ZMIZ1: variants seen among roughly 807,000 people sequenced by gnomAD.
The protein encoded by ZMIZ1 is zinc finger MIZ-type containing 1.
ZMIZ1 carries 17 observed loss-of-function variants against 113.9 expected under a neutral mutation model. The observed-to-expected ratio is 0.15, with a 90% CI of 0.10 to 0.22. ZMIZ1 has a LOEUF of 0.22. Ranked by LOEUF, ZMIZ1 falls within the 10% of genes least tolerant of loss-of-function variation. The probability of loss-of-function intolerance (pLI) is 1.00; values close to 1 mark genes in which losing one functional copy is unlikely to be tolerated. For missense variants in ZMIZ1, 1,059 were observed against 1,477.8 expected (o/e 0.72, Z 4.65); for synonymous variants, 607 against 603.1 (o/e 1.01, Z -0.09).
At chr10:79,203,267 A>C (rs1848176280) in intron 5 of ZMIZ1, among the ~76,000 whole-genome samples, 1 of 152,212 alleles carries the variant, frequency 6.6e-6, no homozygotes, top group Non-Finnish European at 1.5e-5. Flanking sequence ...GTGTCTTCTT[A>C]TTAGCATCGA....
intron 7 of ZMIZ1, among the ~76,000 whole-genome samples, chr10:79,233,318 C>T (rs183736810): frequency 1.2e-4 from 19 of 152,368 alleles, no homozygotes; most frequent in African/African-American, 4.6e-4. Context: ...ATACCTTTGA[C>T]TAGGTAACTT....
At chr10:79,075,804 G>T (rs1842455426) in intron 1 of ZMIZ1, among the ~76,000 whole-genome samples, 1 of 152,182 alleles carries the variant, frequency 6.6e-6, no homozygotes, top group Non-Finnish European at 1.5e-5. Context: ...TTCTGATGGG[G>T]GTGTGTGTTA....
chr10:79,223,374 G>C (rs1335743113), intron 7 of ZMIZ1, among the ~76,000 whole-genome samples: 1 of 152,222 alleles, frequency 6.6e-6, no homozygotes, highest in South Asian at 2.1e-4. Flanking sequence ...CCTTTTCAAG[G>C]TCGGGACAGA....
chr10:79,224,482 A>G (rs533725153), intron 7 of ZMIZ1, among the ~76,000 whole-genome samples: 1 of 151,986 alleles, frequency 6.6e-6, no homozygotes, highest in Non-Finnish European at 1.5e-5. Flanking sequence ...TTAGCTCATC[A>G]CTGGCCCCCC....
In ZMIZ1 at chr10:79,227,108, C is replaced by T. The variant is rs1480950828; in HGVS notation, c.280+10834C>T. Among the ~76,000 whole-genome samples, 7 of 152,296 alleles carry T rather than the reference C, an allele frequency of 4.6e-5. No homozygotes were observed. In the East Asian group the frequency reaches 1.3e-3, roughly 29 times the overall value. On this transcript the variant is annotated intron_variant, in intron 7 of 24. Coordinates refer to ENST00000334512, the MANE Select transcript of ZMIZ1 (RefSeq NM_020338.4). ...AAAAGAGCCAAAATTGTGATTCAAA[C>T]AAGAACATTCAACCCCAAAGCCACC... is the stretch of plus-strand genomic sequence containing the variant.
At chr10:79,298,702 A>C (rs1854084508) in intron 15 of ZMIZ1, 122 bp downstream of exon 15, 1 of 941,126 alleles carries the variant, frequency 1.1e-6, no homozygotes, top group Admixed American at 3.0e-5. Flanking sequence ...AGTTGAGAGC[A>C]GGTGAGATAC....
intron 17 of ZMIZ1, 73 bp downstream of exon 17, chr10:79,301,015 C>T: frequency 6.4e-7 from 1 of 1,561,348 alleles, no homozygotes; most frequent in Non-Finnish European, 8.6e-7. Flanking sequence ...GCGGAATACC[C>T]TGCCCCACTC....
chr10:79,277,617 G>T (rs1852384027), intron 8 of ZMIZ1, among the ~76,000 whole-genome samples: 1 of 152,196 alleles, frequency 6.6e-6, no homozygotes, highest in East Asian at 1.9e-4. Flanking sequence ...CTTGACCAGG[G>T]TATTGGGCAA....
intron 1 of ZMIZ1, among the ~76,000 whole-genome samples, chr10:79,088,814 T>G (rs76879850): frequency 0.01 from 1,596 of 152,276 alleles, 30 homozygotes; most frequent in African/African-American, 0.036. Context: ...ATTTCAGTCC[T>G]TGCTCCCCCA....
chr10:79,315,686 T>C lies in ZMIZ1; in HGVS notation c.*2937T>C, dbSNP rs1855488334. 1 of 152,812 alleles carries C rather than the reference T, an allele frequency of 6.5e-6. No individual in the cohort carries two copies. The highest frequency in any genetic ancestry group is 6.5e-5 in the Admixed American group (1 of 15,276). 9.5% of individuals were successfully genotyped at this position (152,812 alleles called of 1,614,324 possible). On this transcript the variant is annotated 3_prime_UTR_variant, in exon 25 of 25. Coordinates refer to ENST00000334512, the MANE Select transcript of ZMIZ1 (RefSeq NM_020338.4). ...TGGAAGCCCTGATCCCCCAGAGAGCTACAGGTCTGCTCCCGACGGGCCTCG... is the reference window on the plus strand; with the variant it reads ...TGGAAGCCCTGATCCCCCAGAGAGCCACAGGTCTGCTCCCGACGGGCCTCG...
At chr10:79,255,151 C>T (rs1271378794) in intron 7 of ZMIZ1, among the ~76,000 whole-genome samples, 2 of 152,206 alleles carry the variant, frequency 1.3e-5, no homozygotes, top group Non-Finnish European at 2.9e-5. Flanking sequence ...GGGCAGCTCC[C>T]CTCATTCCCC....
intron 7 of ZMIZ1, among the ~76,000 whole-genome samples, chr10:79,236,743 C>G (rs1003271721): frequency 4.6e-5 from 7 of 152,312 alleles, no homozygotes; most frequent in African/African-American, 1.7e-4. Flanking sequence ...TGTGATTGTT[C>G]ACTGTGCATT....
chr10:79,292,026 C>CCAAT, intron 10 of ZMIZ1, 132 bp from the exon 11 acceptor site: 3 of 916,328 alleles, frequency 3.3e-6, no homozygotes, highest in Non-Finnish European at 5.1e-6. Flanking sequence ...TGAATGGCTG[C>CCAAT]CAATCCCAAG....
intron 2 of ZMIZ1, among the ~76,000 whole-genome samples, chr10:79,128,232 G>A (rs1302707262): frequency 1.3e-5 from 2 of 152,158 alleles, no homozygotes. Flanking sequence ...AGCTGCCAGA[G>A]TTTCCCCTGC....
chr10:79,160,710 C>T (rs1380318473), intron 3 of ZMIZ1, among the ~76,000 whole-genome samples: 1 of 152,234 alleles, frequency 6.6e-6, no homozygotes, highest in Non-Finnish European at 1.5e-5. Context: ...GGAGCCCCTG[C>T]CTGTGCACAG....
chr10:79,239,172 C>T (rs184534345), intron 7 of ZMIZ1, among the ~76,000 whole-genome samples: 1 of 152,276 alleles, frequency 6.6e-6, no homozygotes, highest in Admixed American at 6.5e-5. Context: ...TGGCAGAAGC[C>T]CCAGGAAGGG....
chr10:79,298,983 C>T (rs1854106624), intron 15 of ZMIZ1, 67 bp from the exon 16 acceptor site: 1 of 1,542,140 alleles, frequency 6.5e-7, no homozygotes, highest in Non-Finnish European at 8.7e-7. Flanking sequence ...GAGCAAGTCC[C>T]ACCTACAGCC....
Position 79,315,719 on chromosome 10 carries a change from C to T in ZMIZ1, c.*2970C>T, listed in dbSNP as rs1017268888. On this transcript the variant is annotated 3_prime_UTR_variant, in exon 25 of 25. Coordinates refer to ENST00000334512, the MANE Select transcript of ZMIZ1 (RefSeq NM_020338.4). ...TGCTCCCGACGGGCCTCGGGCCTGA[C>T]CCGTCCACACAGGGCCGTGTCAACA... is the stretch of plus-strand genomic sequence containing the variant. 1.3e-5 allele frequency: 2 copies of T among 152,816 alleles called. No individual in the cohort carries two copies. Among genetic ancestry groups the T allele is most frequent in the African/African-American group, 2.4e-5 (1 of 41,446 alleles). The allele number at this position is 152,816 out of a possible 1,614,324, so 9.5% of individuals were successfully genotyped here.
intron 24 of ZMIZ1, among the ~76,000 whole-genome samples, chr10:79,312,175 C>T (rs116720237): frequency 7.9e-5 from 12 of 152,364 alleles, no homozygotes; most frequent in African/African-American, 2.9e-4. Flanking sequence ...GCCACAGGCT[C>T]ACCAAGGAGT....
Sources: gnomAD v4.1 joint callset for allele counts (sites outside exome capture counted in the v4.1 genomes callset) on GRCh38, gnomAD v4.1.1 for gene constraint, MANE v1.5 for transcripts, NCBI Gene and HGNC (gene_info 2026-07-23, HGNC 2026-07-21) for gene names.